LRRFIP1: variants seen among roughly 807,000 people sequenced by gnomAD.
The protein encoded by LRRFIP1 is LRR binding FLII interacting protein 1, also known as leucine-rich repeat flightless-interacting protein 1.
LRRFIP1 carries 62 observed loss-of-function variants against 104.4 expected under a neutral mutation model. The observed-to-expected ratio is 0.59, with a 90% confidence interval of 0.48 to 0.73. The LOEUF (loss-of-function observed/expected upper bound fraction) is 0.73, where lower values mean the gene tolerates loss of function less well. LRRFIP1 is among the 30% of genes least tolerant of loss of function. The pLI is 0.00. For synonymous variants in LRRFIP1, 300 were observed against 299.0 expected (o/e 1.00, Z -0.03); for missense variants, 796 against 824.5 (o/e 0.97, Z 0.42).
intron 9 of LRRFIP1, 103 bp downstream of exon 9, chr2:237,733,921 G>C (rs2095131597): frequency 7.9e-7 from 1 of 1,264,708 alleles, no homozygotes; most frequent in Non-Finnish European, 1.1e-6. Context: ...CAGCCCCCTG[G>C]GGGAAGTTGC....
chr2:237,669,618 C>T (rs55761611), intron 1 of LRRFIP1, among the ~76,000 whole-genome samples: 1,567 of 152,214 alleles, frequency 0.01, 29 homozygotes, highest in African/African-American at 0.035. Flanking sequence ...TAACCCTAAA[C>T]GGAGTTTCCT....
intron 3 of LRRFIP1, among the ~76,000 whole-genome samples, chr2:237,714,898 C>A (rs1026695233): frequency 6.6e-6 from 1 of 152,192 alleles, no homozygotes; most frequent in Non-Finnish European, 1.5e-5. Flanking sequence ...AAAATGAAGT[C>A]AGAAGTGAGC....
chr2:237,644,893 G>A (rs1333415710), intron 1 of LRRFIP1, among the ~76,000 whole-genome samples: 1 of 152,208 alleles, frequency 6.6e-6, no homozygotes, highest in Admixed American at 6.5e-5. Flanking sequence ...GGGAAGAATC[G>A]CACAAAGGTG....
At chr2:237,764,013 A>G (rs367565652) in intron 19 of LRRFIP1, 7 of 1,614,118 alleles carry the variant, frequency 4.3e-6, no homozygotes, top group Non-Finnish European at 5.9e-6. Context: ...TTAGACAGCA[A>G]TAGCCTAGAG....
At chr2:237,670,832 AG>A (rs1205478224) in intron 1 of LRRFIP1, among the ~76,000 whole-genome samples, 1 of 152,208 alleles carries the variant, frequency 6.6e-6, no homozygotes, top group African/African-American at 2.4e-5. Flanking sequence ...CGTTACGAGA[AG>A]CAAGCACATG....
At chr2:237,709,166 C>T (rs2093958037) in intron 2 of LRRFIP1, among the ~76,000 whole-genome samples, 1 of 152,176 alleles carries the variant, frequency 6.6e-6, no homozygotes, top group Admixed American at 6.5e-5. Flanking sequence ...GGGAAAATGG[C>T]TAGCAATGTG....
chr2:237,674,962 G>A (rs2090916220), intron 1 of LRRFIP1, among the ~76,000 whole-genome samples: 1 of 152,262 alleles, frequency 6.6e-6, no homozygotes, highest in South Asian at 2.1e-4. Flanking sequence ...CCTGCCCCCA[G>A]AGAGAGCCTG....
At chr2:237,774,642 G>A (rs899855424) in intron 23 of LRRFIP1, among the ~76,000 whole-genome samples, 180 bp downstream of exon 23, 1 of 152,244 alleles carries the variant, frequency 6.6e-6, no homozygotes, top group Non-Finnish European at 1.5e-5. Context: ...GCCAGTTAGG[G>A]CTTAGGGCTA....
At chr2:237,694,011 C>T (rs1345943579) in intron 1 of LRRFIP1, among the ~76,000 whole-genome samples, 1 of 152,160 alleles carries the variant, frequency 6.6e-6, no homozygotes, top group African/African-American at 2.4e-5. Context: ...TGTCCCTCAC[C>T]CCCAGTTCCA....
At chr2:237,692,300 G>C in intron 1 of LRRFIP1, 1 of 1,203,426 alleles carries the variant, frequency 8.3e-7, no homozygotes. Context: ...CTCCCCGGCG[G>C]GCTGGCTCCT....
chr2:237,746,399 T>C (rs2057859828), intron 11 of LRRFIP1, among the ~76,000 whole-genome samples: 1 of 152,190 alleles, frequency 6.6e-6, no homozygotes, highest in Non-Finnish European at 1.5e-5. Context: ...AATATTTTTC[T>C]TTCCATGTGA....
At position 237,711,770 on chromosome 2, in the gene LRRFIP1, C is replaced by T. The variant is rs2094103464; in HGVS notation, c.184-2489C>T. ...TGGCCAAGATGGTGAGTGAGGACAC[C>T]GAGTGAAGCAGCTCTACCGGGGGGT... On this transcript the variant is annotated intron_variant, in intron 2 of 23. Coordinates refer to ENST00000308482, the MANE Select transcript of LRRFIP1 (RefSeq NM_001137550.2). This position sits in a 1 kb window ranked among gnomAD's most constrained non-coding sequence, Gnocchi z 4.4. Among the ~76,000 whole-genome samples, 1 of 151,994 alleles carries T rather than the reference C, an allele frequency of 6.6e-6. No individual in the cohort carries two copies. Among genetic ancestry groups the T allele is most frequent in the Non-Finnish European group, 1.5e-5 (1 of 68,010 alleles).
intron 2 of LRRFIP1, among the ~76,000 whole-genome samples, 174 bp from the exon 3 acceptor site, chr2:237,714,085 T>G (rs986146015): frequency 6.6e-6 from 1 of 152,226 alleles, no homozygotes. Flanking sequence ...GTAAAGTAAG[T>G]GATAAAATTA....
At position 237,778,167 on chromosome 2, in the gene LRRFIP1, A is replaced by G. The variant is rs60805746; in HGVS notation, c.1813-1255A>G. Reference sequence around the variant, plus strand: ...TGTCACCTTAGTGTTTTGTGAGCTTATGCTTGATTTTAATTTGTAGGAATA... The same window carrying G: ...TGTCACCTTAGTGTTTTGTGAGCTTGTGCTTGATTTTAATTTGTAGGAATA... On this transcript the variant is annotated intron_variant, in intron 23 of 23. Coordinates refer to ENST00000308482, the MANE Select transcript of LRRFIP1 (RefSeq NM_001137550.2). 3.8e-3 allele frequency among the ~76,000 whole-genome samples: 575 copies of G among 152,202 alleles called. 5 individuals are homozygous for G. Among genetic ancestry groups the G allele is most frequent in the African/African-American group, 0.013 (551 of 41,528 alleles).
chr2:237,738,296 T>A (rs111904170), intron 10 of LRRFIP1, among the ~76,000 whole-genome samples: 21 of 152,240 alleles, frequency 1.4e-4, no homozygotes, highest in African/African-American at 4.8e-4. Context: ...CCCCTGAAGA[T>A]ATGGGCTTCC....
At chr2:237,701,077 G>A (rs2093494960) in intron 1 of LRRFIP1, among the ~76,000 whole-genome samples, 1 of 152,188 alleles carries the variant, frequency 6.6e-6, no homozygotes, top group Admixed American at 6.5e-5. Context: ...TCCCAGAAAA[G>A]CTTCAATGCT....
chr2:237,774,582 C>G (rs909972747), intron 23 of LRRFIP1, 120 bp downstream of exon 23: 1 of 687,556 alleles, frequency 1.5e-6, no homozygotes, highest in Non-Finnish European at 2.6e-6. Context: ...GTCAGATCAT[C>G]CCACACCACT....
chr2:237,764,112 A>G, intron 19 of LRRFIP1: 1 of 1,614,210 alleles, frequency 6.2e-7, no homozygotes, highest in Non-Finnish European at 8.5e-7. Context: ...GAGAAGGGCA[A>G]AAGCAAAGAA....
Position 237,705,096 on chromosome 2 carries a change from G to A in LRRFIP1, c.97-3448G>A, listed in dbSNP as rs80074101. Reference sequence around the variant, plus strand: ...GTCTGGAGCAGGTGCAATACTGCACGCTCAGGCAGGCGAGCTCTGCAAGGA... The same window carrying A: ...GTCTGGAGCAGGTGCAATACTGCACACTCAGGCAGGCGAGCTCTGCAAGGA... On this transcript the variant is annotated intron_variant, in intron 1 of 23. Coordinates refer to ENST00000308482, the MANE Select transcript of LRRFIP1 (RefSeq NM_001137550.2). 2.3e-3 allele frequency among the ~76,000 whole-genome samples: 347 copies of A among 152,232 alleles called. 9 individuals carry two copies. The East Asian group carries it at 0.046, about 20-fold the overall frequency.
Sources: gnomAD v4.1 joint callset for allele counts (sites outside exome capture counted in the v4.1 genomes callset) on GRCh38, gnomAD v4.1.1 for gene constraint, Gnocchi (gnomAD v3.1) non-coding constraint, MANE v1.5 for transcripts, NCBI Gene and HGNC (gene_info 2026-07-23, HGNC 2026-07-21) for gene names.